ARHGAP23: variants seen among roughly 807,000 people sequenced by gnomAD.
ARHGAP23 encodes the protein rho GTPase-activating protein 23.
In ARHGAP23, 34 loss-of-function variants were observed where a neutral mutation model predicts 136.3. The ratio of observed to expected loss-of-function variants is 0.25; its 90% confidence interval spans 0.19 to 0.33. The LOEUF is 0.33. Ranked by LOEUF, ARHGAP23 falls within the 10% of genes least tolerant of loss-of-function variation. The probability of loss-of-function intolerance (pLI) is 1.00; values close to 1 mark genes in which losing one functional copy is unlikely to be tolerated. For missense variants in ARHGAP23, 1,808 were observed against 2,139.0 expected (o/e 0.85, Z 3.05); for synonymous variants, 832 against 920.5 (o/e 0.90, Z 1.74).
At chr17:38,481,937 C>T (rs144293375) in intron 14 of ARHGAP23, 85 bp from the exon 15 acceptor site, 16,977 of 1,350,464 alleles carry the variant, frequency 0.013, 156 homozygotes, top group Non-Finnish European at 0.015. Flanking sequence ...AATCCCCATA[C>T]GTCCAAATGT....
intron 1 of ARHGAP23, among the ~76,000 whole-genome samples, chr17:38,447,979 T>C (rs1260940927): frequency 6.6e-6 from 1 of 152,206 alleles, no homozygotes; most frequent in Admixed American, 6.5e-5. Context: ...AGGGAGGAAC[T>C]GGCCCTCCTC....
chr17:38,448,641 GTTTTT>G (rs11327949), intron 1 of ARHGAP23, among the ~76,000 whole-genome samples: 2 of 106,160 alleles, frequency 1.9e-5, no homozygotes, highest in African/African-American at 3.9e-5. Context: ...AACTTGGGGA[GTTTTT>G]TTTTTTTTTT....
Position 38,508,702 on chromosome 17 carries a change from A to G in ARHGAP23, c.3448-1242A>G, listed in dbSNP as rs560482227. ...GGAGTTGGCTTTGGGAGCCATTTCA[A>G]AAGAATCCAGGACTTGGCTGTGGGT... On this transcript the variant is annotated intron_variant, in intron 23 of 23. Coordinates refer to ENST00000622683, the MANE Select transcript of ARHGAP23 (RefSeq NM_001199417.2). Among the ~76,000 whole-genome samples, 251 of 152,234 alleles carry G rather than the reference A, an allele frequency of 1.6e-3. 1 individual carries two copies. The highest frequency in any genetic ancestry group is 2.2e-3 in the Non-Finnish European group (152 of 68,002).
chr17:38,441,259 T>A (rs925416741), intron 1 of ARHGAP23, among the ~76,000 whole-genome samples: 2 of 152,116 alleles, frequency 1.3e-5, no homozygotes, highest in African/African-American at 4.8e-5. Context: ...TGTGCAGAGC[T>A]CCCGTGGGAG....
At chr17:38,426,107 C>T (rs2038566985), upstream of ARHGAP23, among the ~76,000 whole-genome samples, 1 of 152,058 alleles carries the variant, frequency 6.6e-6, no homozygotes, top group Admixed American at 6.6e-5. Flanking sequence ...TTTCAGATGC[C>T]AACCTTTCTC....
intron 6 of ARHGAP23, among the ~76,000 whole-genome samples, chr17:38,464,996 T>TGA (rs2039552493): frequency 1.4e-5 from 2 of 146,898 alleles, no homozygotes; most frequent in African/African-American, 5.1e-5. Context: ...CGAGAGAGAG[T>TGA]CGGGTGGGGG....
chr17:38,508,419 C>G (rs1287317732), intron 23 of ARHGAP23, among the ~76,000 whole-genome samples: 7 of 152,096 alleles, frequency 4.6e-5, no homozygotes, highest in African/African-American at 7.2e-5. Flanking sequence ...CAGGGCAGAG[C>G]AGGGCAGTAG....
intron 1 of ARHGAP23, among the ~76,000 whole-genome samples, chr17:38,430,131 T>G (rs1354552775): frequency 6.6e-6 from 1 of 152,102 alleles, no homozygotes; most frequent in Non-Finnish European, 1.5e-5. Flanking sequence ...ATCCTCTACA[T>G]TCAGTGCTGG....
chr17:38,466,183 C>A lies in ARHGAP23; in HGVS notation c.500C>A (p.Ala167Asp). 1 of 1,508,056 alleles carries A rather than the reference C, an allele frequency of 6.6e-7. No homozygotes were observed. Among genetic ancestry groups the A allele is most frequent in the Non-Finnish European group, 8.9e-7 (1 of 1,121,340 alleles). The allele number at this position is 1,508,056 out of a possible 1,614,324, so 93.4% of individuals were successfully genotyped here. A position where few individuals can be genotyped will look rare whatever the true frequency, so the allele number is the denominator to read the frequency against. ...TCTGGCCAGGCCTACTCCCAGGATG[C>A]CTACCTGAAAGGGAACGAGCCGTAT... ...DILQLAYSQD[A>D]YLKGNEPYSG... The change falls in exon 7 of 24, where the codon GCC becomes GAC. Residue 167 changes from alanine (A) to aspartate (D), a missense_variant. Transcript: ENST00000622683.
chr17:38,469,631 C>T lies in ARHGAP23; in HGVS notation c.1912C>T (p.Leu638=). ...LNTFRDEGRV[L]RRLPNRIPSL... is the part of the protein sequence containing the mutation. ...CACCTTCCGCGACGAGGGCCGGGTT[C>T]TGCGGTGAGGCCCTGTCCGGACACG... Residue 638 remains leucine (L), a synonymous_variant, in exon 9 of 24, where the codon CTG becomes TTG. Coordinates refer to ENST00000622683, the MANE Select transcript of ARHGAP23 (RefSeq NM_001199417.2). 6.5e-7 allele frequency: 1 copy of T among 1,548,690 alleles called. No homozygotes were observed. Among genetic ancestry groups the T allele is most frequent in the Non-Finnish European group, 8.7e-7 (1 of 1,146,642 alleles).
At chr17:38,475,716 G>A (rs904304590) in intron 11 of ARHGAP23, among the ~76,000 whole-genome samples, 8 of 152,200 alleles carry the variant, frequency 5.3e-5, no homozygotes, top group African/African-American at 1.7e-4. Context: ...AAATATTGAT[G>A]AGCCCTTGCA....
At chr17:38,453,610 C>G (rs996320031) in intron 1 of ARHGAP23, 1 of 147,688 alleles carries the variant, frequency 6.8e-6, no homozygotes, top group Non-Finnish European at 1.5e-5. Flanking sequence ...AGTGTGAGAT[C>G]TGGGCGGCCG....
chr17:38,448,641 GTTTT>G (rs11327949), intron 1 of ARHGAP23, among the ~76,000 whole-genome samples: 2 of 106,156 alleles, frequency 1.9e-5, no homozygotes, highest in Non-Finnish European at 1.8e-5. Flanking sequence ...AACTTGGGGA[GTTTT>G]TTTTTTTTTT....
At chr17:38,428,403 G>GC (rs1284130566), upstream of ARHGAP23, 14 of 638,932 alleles carry the variant, frequency 2.2e-5, no homozygotes, top group Admixed American at 1.4e-4. Context: ...ACCGCGCTCG[G>GC]CCCCGCCCCC....
At chr17:38,501,526 C>T (rs1258909273) in intron 23 of ARHGAP23, among the ~76,000 whole-genome samples, 1 of 149,374 alleles carries the variant, frequency 6.7e-6, no homozygotes, top group Non-Finnish European at 1.5e-5. Flanking sequence ...TGGTCTTGAT[C>T]TCCTGACCGC....
In ARHGAP23 at chr17:38,491,564, C is replaced by T. The variant is rs757518463; in HGVS notation, c.3276+32C>T. 7 of 1,548,808 alleles carry T rather than the reference C, an allele frequency of 4.5e-6. No homozygotes were observed. In the South Asian group the frequency reaches 4.8e-5, roughly 11 times the overall value. ...CCCTGTTCCGGGGGGCGCCCGGCAG[C>T]CCCTGGGGCCCAGGCCATGTTCCTC... On this transcript the variant is annotated intron_variant, in intron 20 of 23. Transcript: ENST00000622683.
intron 1 of ARHGAP23, among the ~76,000 whole-genome samples, chr17:38,432,055 G>A (rs1300889655): frequency 6.6e-6 from 1 of 152,188 alleles, no homozygotes; most frequent in African/African-American, 2.4e-5. Context: ...CCAGGGAACA[G>A]CCCCGCCTGT....
intron 17 of ARHGAP23, 54 bp downstream of exon 17, chr17:38,486,194 C>G: frequency 2.1e-6 from 3 of 1,428,168 alleles, no homozygotes; most frequent in Non-Finnish European, 2.9e-6. Flanking sequence ...GTGCCTCACC[C>G]TGACCACTAC....
chr17:38,445,938 C>T (rs968544125), intron 1 of ARHGAP23, among the ~76,000 whole-genome samples: 22 of 151,884 alleles, frequency 1.4e-4, no homozygotes, highest in Admixed American at 2.6e-4. Flanking sequence ...TGTGAGCCAC[C>T]AAGCCCAGCC....
Sources: allele counts gnomAD v4.1 joint callset (sites outside exome capture counted in the v4.1 genomes callset), GRCh38; gene constraint gnomAD v4.1.1; transcripts MANE v1.5; gene names NCBI Gene and HGNC (gene_info 2026-07-23, HGNC 2026-07-21).